TFCP2L1: variants seen among roughly 807,000 people sequenced by gnomAD.
TFCP2L1 encodes the protein transcription factor CP2 like 1.
In TFCP2L1, 12 loss-of-function variants were observed where a neutral mutation model predicts 72.2. The ratio of observed to expected loss-of-function variants is 0.17; its 90% confidence interval spans 0.11 to 0.27. TFCP2L1 has a LOEUF of 0.27. Among genes scored for constraint, TFCP2L1 ranks in the 10% least tolerant of loss-of-function variants. The pLI, the probability that TFCP2L1 is intolerant of heterozygous loss-of-function variation, is 1.00. For synonymous variants in TFCP2L1, 260 were observed against 251.0 expected (o/e 1.04, Z -0.34); for missense variants, 488 against 624.6 (o/e 0.78, Z 2.33).
chr2:121,233,389 T>C (rs1360677232), intron 12 of TFCP2L1, among the ~76,000 whole-genome samples: 2 of 152,168 alleles, frequency 1.3e-5, no homozygotes, highest in Non-Finnish European at 2.9e-5. Context: ...ATGGGGTTAC[T>C]CCTGACCTCA....
intron 8 of TFCP2L1, among the ~76,000 whole-genome samples, chr2:121,238,695 C>T (rs935189133): frequency 2.6e-5 from 4 of 151,920 alleles, no homozygotes; most frequent in African/African-American, 9.7e-5. Flanking sequence ...GAATTCTTAA[C>T]CCCCTTTTGT....
intron 2 of TFCP2L1, among the ~76,000 whole-genome samples, chr2:121,269,456 A>G (rs995721146): frequency 2.0e-5 from 3 of 150,776 alleles, no homozygotes; most frequent in African/African-American, 4.9e-5. Flanking sequence ...CAAAACAACA[A>G]CAACAAAAAA....
chr2:121,284,124 G>T (rs999868249), intron 1 of TFCP2L1, among the ~76,000 whole-genome samples: 1 of 152,220 alleles, frequency 6.6e-6, no homozygotes, highest in Admixed American at 6.5e-5. Flanking sequence ...AGCACTTAAA[G>T]GTAGCTCTAG....
At chr2:121,227,720 T>TACACACACACAC (rs144192362) in intron 13 of TFCP2L1, among the ~76,000 whole-genome samples, 9,454 of 147,288 alleles carry the variant, frequency 0.064, 342 homozygotes, top group Middle Eastern at 0.099. Context: ...AAACATACAA[T>TACACACACACAC]ACACACACAC....
intron 7 of TFCP2L1, chr2:121,240,774 C>A (rs895855010): frequency 8.2e-6 from 8 of 978,812 alleles, no homozygotes; most frequent in Non-Finnish European, 9.7e-6. Context: ...CGGGAAGAAA[C>A]TGGTCTGGCC....
intron 2 of TFCP2L1, among the ~76,000 whole-genome samples, chr2:121,273,545 T>C (rs1039451904): frequency 6.6e-5 from 10 of 152,224 alleles, no homozygotes; most frequent in African/African-American, 2.4e-4. Context: ...GGCTTGGTGA[T>C]AGGACATCCC....
At chr2:121,252,040 C>G (rs1190425161) in intron 2 of TFCP2L1, among the ~76,000 whole-genome samples, 2 of 152,068 alleles carry the variant, frequency 1.3e-5, no homozygotes, top group Non-Finnish European at 2.9e-5. Flanking sequence ...GTATTCTATT[C>G]CATTCTATTC....
At chr2:121,276,763 A>G (rs1306566709) in intron 2 of TFCP2L1, among the ~76,000 whole-genome samples, 1 of 152,174 alleles carries the variant, frequency 6.6e-6, no homozygotes, top group Non-Finnish European at 1.5e-5. Context: ...ATCACATCAT[A>G]AATTCCAAAT....
At position 121,242,351 on chromosome 2, in the gene TFCP2L1, C is replaced by T. The variant is rs142941586; in HGVS notation, c.768+8G>A. ...TGGAGGCTCTGTCCCCGCACCCAGC[C>T]GGCTCACCTCTGTGAGGATGGTGGT... On this transcript the variant is annotated splice_region_variant and intron_variant, in intron 7 of 14. Coordinates refer to ENST00000263707, the MANE Select transcript of TFCP2L1 (RefSeq NM_014553.3). 3,975 of 1,613,436 alleles carry T rather than the reference C, an allele frequency of 2.5e-3. 22 individuals carry two copies. In the Middle Eastern group the frequency reaches 0.028, roughly 11 times the overall value.
chr2:121,257,679 C>T (rs887235153), intron 2 of TFCP2L1, among the ~76,000 whole-genome samples: 1 of 152,244 alleles, frequency 6.6e-6, no homozygotes, highest in Admixed American at 6.5e-5. Flanking sequence ...CTTTGTAGGA[C>T]ATAAGACCGC....
At chr2:121,279,125 T>G (rs1308649698) in intron 2 of TFCP2L1, among the ~76,000 whole-genome samples, 1 of 152,134 alleles carries the variant, frequency 6.6e-6, no homozygotes, top group Non-Finnish European at 1.5e-5. Flanking sequence ...GAGCAAGACC[T>G]CAGACCTTGG....
intron 1 of TFCP2L1, among the ~76,000 whole-genome samples, chr2:121,282,684 C>T (rs2104775107): frequency 6.6e-6 from 1 of 152,250 alleles, no homozygotes. Context: ...CAAATAAGTG[C>T]CAGTGCTCTT....
At chr2:121,246,777 G>A (rs1333478157) in intron 6 of TFCP2L1, 41 bp downstream of exon 6, 4 of 1,611,962 alleles carry the variant, frequency 2.5e-6, no homozygotes, top group Non-Finnish European at 3.4e-6. Flanking sequence ...CACAGGCCAG[G>A]CCAGCAGCAG....
At chr2:121,270,219 T>C (rs900212098) in intron 2 of TFCP2L1, among the ~76,000 whole-genome samples, 2 of 152,112 alleles carry the variant, frequency 1.3e-5, no homozygotes, top group Non-Finnish European at 2.9e-5. Flanking sequence ...AAACAGACCT[T>C]CTTCAGTCAT....
rs1214720193 is a variant in TFCP2L1, at chr2:121,219,225, T to C, written c.*5116A>G. On this transcript the variant is annotated 3_prime_UTR_variant, in exon 15 of 15. Transcript: ENST00000263707. The stretch of plus-strand genomic sequence containing the variant: ...GAGGTCACACAAGATCAAAAGAGGA[T>C]CATCGAGCTACCGAGGGAGCCTGTT... 1.3e-5 allele frequency: 2 copies of C among 152,186 alleles called. No individual in the cohort carries two copies. The highest frequency in any genetic ancestry group is 2.9e-5 in the Non-Finnish European group (2 of 68,092). 9.4% of individuals were successfully genotyped at this position (152,186 alleles called of 1,614,324 possible). A position where few individuals can be genotyped will look rare whatever the true frequency, so the allele number is the denominator to read the frequency against.
chr2:121,261,140 G>T (rs542723740), intron 2 of TFCP2L1, among the ~76,000 whole-genome samples: 1 of 152,218 alleles, frequency 6.6e-6, no homozygotes, highest in Non-Finnish European at 1.5e-5. Context: ...GTATGCTTCA[G>T]GGAAAAGGCT....
chr2:121,253,765 A>G (rs1019938444), intron 2 of TFCP2L1, among the ~76,000 whole-genome samples: 1 of 152,224 alleles, frequency 6.6e-6, no homozygotes. Flanking sequence ...CTCCTGGGCC[A>G]GGGATCACGG....
rs1283283213 is a variant in TFCP2L1, at chr2:121,275,385, C to A, written c.214+5735G>T. 5.5e-5 allele frequency among the ~76,000 whole-genome samples: 5 copies of A among 91,256 alleles called. No individual in the cohort carries two copies. The Admixed American group carries it at 6.9e-4, about 13-fold the overall frequency. 59.9% of individuals were successfully genotyped at this position (91,256 alleles called of 152,430 possible). On this transcript the variant is annotated intron_variant, in intron 2 of 14. Coordinates refer to ENST00000263707, the MANE Select transcript of TFCP2L1 (RefSeq NM_014553.3). ...CTGCACTCTAGCCTGGGCGACAGCACGAGACTCCATCTCAAAAAAAAAAAA... is the reference window on the plus strand; with the variant it reads ...CTGCACTCTAGCCTGGGCGACAGCAAGAGACTCCATCTCAAAAAAAAAAAA...
chr2:121,224,982 C>CAAAAAA (rs34800606), intron 14 of TFCP2L1, among the ~76,000 whole-genome samples: 2 of 110,896 alleles, frequency 1.8e-5, no homozygotes, highest in African/African-American at 6.6e-5. Context: ...AAGACTCCAT[C>CAAAAAA]AAAAAAAAAA....
Sources: allele counts gnomAD v4.1 joint callset (sites outside exome capture counted in the v4.1 genomes callset), GRCh38; gene constraint gnomAD v4.1.1; transcripts MANE v1.5; gene names NCBI Gene and HGNC (gene_info 2026-07-23, HGNC 2026-07-21).